KHDRBS2: variants seen among roughly 807,000 people sequenced by gnomAD.
KHDRBS2 encodes KH domain-containing, RNA-binding, signal transduction-associated protein 2.
Under a neutral mutation model 44.3 loss-of-function variants are expected in KHDRBS2, and 26 were observed. That is an observed-to-expected ratio of 0.59 (90% CI 0.43 to 0.81). KHDRBS2 has a LOEUF of 0.81. KHDRBS2 is among the 40% of genes least tolerant of loss of function. The pLI, the probability that KHDRBS2 is intolerant of heterozygous loss-of-function variation, is 0.00. For synonymous variants in KHDRBS2, 194 were observed against 151.1 expected (o/e 1.28, Z -2.08); for missense variants, 476 against 433.1 (o/e 1.10, Z -0.88).
intron 6 of KHDRBS2, among the ~76,000 whole-genome samples, chr6:61,774,781 A>G (rs1316505565): frequency 6.6e-6 from 1 of 152,156 alleles, no homozygotes; most frequent in Non-Finnish European, 1.5e-5. Context: ...ATCCTCCCTA[A>G]CTCATTTTAC....
At chr6:61,990,506 AAAAC>A (rs1265405750) in intron 3 of KHDRBS2, among the ~76,000 whole-genome samples, 1 of 152,172 alleles carries the variant, frequency 6.6e-6, no homozygotes, top group East Asian at 1.9e-4. Flanking sequence ...AAGTAAAACA[AAAAC>A]AAACAAGAGC....
intron 6 of KHDRBS2, among the ~76,000 whole-genome samples, chr6:61,814,515 G>C (rs1438758798): frequency 1.1e-5 from 1 of 90,236 alleles, no homozygotes; most frequent in Non-Finnish European, 2.2e-5. Flanking sequence ...GCTGAGGCAG[G>C]TGAATCGCTT....
intron 6 of KHDRBS2, 90 bp from the exon 7 acceptor site, chr6:61,732,854 T>G (rs1410604645): frequency 2.7e-6 from 2 of 746,198 alleles, no homozygotes; most frequent in African/African-American, 3.5e-5. Context: ...CAATGTGATC[T>G]TGGTTTAGAT....
the KHDRBS2 span, among the ~76,000 whole-genome samples, chr6:61,636,243 C>T: frequency 4.7e-4 from 72 of 152,082 alleles, no homozygotes; most frequent in African/African-American, 1.6e-3. Context: ...ATCCTCTTTA[C>T]TTTACTTTCA....
At chr6:62,038,394 T>C (rs1411917236) in intron 3 of KHDRBS2, among the ~76,000 whole-genome samples, 3 of 151,840 alleles carry the variant, frequency 2.0e-5, no homozygotes, top group Non-Finnish European at 2.9e-5. Flanking sequence ...AAAACAGTTT[T>C]CTACTGTTTA....
At chr6:61,777,572 C>G (rs2127580005) in intron 6 of KHDRBS2, among the ~76,000 whole-genome samples, 1 of 152,172 alleles carries the variant, frequency 6.6e-6, no homozygotes, top group South Asian at 2.1e-4. Context: ...TGGGAAAGTA[C>G]AGAGTAGAAT....
chr6:62,198,144 T>C (rs1375791629), intron 1 of KHDRBS2, among the ~76,000 whole-genome samples: 2 of 152,044 alleles, frequency 1.3e-5, no homozygotes, highest in Non-Finnish European at 2.9e-5. Flanking sequence ...AGGAAAGATC[T>C]AAAATTGACA....
At chr6:62,237,571 T>C (rs1247325350) in intron 1 of KHDRBS2, among the ~76,000 whole-genome samples, 1 of 152,156 alleles carries the variant, frequency 6.6e-6, no homozygotes, top group Non-Finnish European at 1.5e-5. Flanking sequence ...CTTTAGAAGA[T>C]AGGTGTTTTG....
At chr6:62,246,509 T>C (rs1835600716) in intron 1 of KHDRBS2, among the ~76,000 whole-genome samples, 1 of 152,080 alleles carries the variant, frequency 6.6e-6, no homozygotes, top group Non-Finnish European at 1.5e-5. Flanking sequence ...CTTTGCAGTG[T>C]ACAGCTCACA....
the KHDRBS2 span, among the ~76,000 whole-genome samples, chr6:61,594,676 T>C: frequency 2.0e-5 from 3 of 152,040 alleles, no homozygotes; most frequent in South Asian, 4.1e-4. Context: ...CAAAGAAGAG[T>C]CAACATTATT....
At chr6:61,623,081 G>A in the KHDRBS2 span, among the ~76,000 whole-genome samples, 4 of 152,062 alleles carry the variant, frequency 2.6e-5, no homozygotes, top group East Asian at 7.8e-4. Flanking sequence ...AAAATTAGAT[G>A]GACAGTCAAT....
At chr6:62,171,771 A>C (rs925410349) in intron 2 of KHDRBS2, among the ~76,000 whole-genome samples, 2 of 152,190 alleles carry the variant, frequency 1.3e-5, no homozygotes, top group African/African-American at 2.4e-5. Flanking sequence ...GAGGGCCTAT[A>C]TTCATCACTC....
At chr6:61,806,921 G>T (rs1040536754) in intron 6 of KHDRBS2, among the ~76,000 whole-genome samples, 1 of 151,892 alleles carries the variant, frequency 6.6e-6, no homozygotes, top group Non-Finnish European at 1.5e-5. Flanking sequence ...AGCTTATATT[G>T]TACTCACTGT....
At chr6:61,661,586 G>T in the KHDRBS2 span, among the ~76,000 whole-genome samples, 1 of 151,836 alleles carries the variant, frequency 6.6e-6, no homozygotes, top group African/African-American at 2.4e-5. Flanking sequence ...ACTTTCAGCA[G>T]TGTCCTATCT....
intron 6 of KHDRBS2, among the ~76,000 whole-genome samples, chr6:61,774,304 T>C (rs1316046756): frequency 6.6e-6 from 1 of 152,178 alleles, no homozygotes; most frequent in Non-Finnish European, 1.5e-5. Context: ...TCTGTTTGTA[T>C]CCTCTTTTAT....
At chr6:61,949,102 C>T (rs569778189) in intron 4 of KHDRBS2, among the ~76,000 whole-genome samples, 1 of 152,158 alleles carries the variant, frequency 6.6e-6, no homozygotes, top group Non-Finnish European at 1.5e-5. Flanking sequence ...ACATCCAGGA[C>T]CAGGCCCCAT....
intron 1 of KHDRBS2, among the ~76,000 whole-genome samples, chr6:62,183,255 G>A: frequency 6.6e-6 from 1 of 151,686 alleles, no homozygotes; most frequent in African/African-American, 2.4e-5. Flanking sequence ...CACAAACGCA[G>A]AAATCACAAT....
intron 6 of KHDRBS2, among the ~76,000 whole-genome samples, chr6:61,892,831 C>A (rs1403246595): frequency 1.3e-5 from 2 of 152,174 alleles, no homozygotes; most frequent in Non-Finnish European, 2.9e-5. Flanking sequence ...CCATTCAGGA[C>A]ATAGGCATGG....
intron 4 of KHDRBS2, among the ~76,000 whole-genome samples, chr6:61,962,808 A>C (rs1769043570): frequency 6.6e-6 from 1 of 152,104 alleles, no homozygotes; most frequent in Non-Finnish European, 1.5e-5. Flanking sequence ...ATTTTATACA[A>C]ATCAGATTTA....
Sources: allele counts gnomAD v4.1 joint callset (sites outside exome capture counted in the v4.1 genomes callset), GRCh38; gene constraint gnomAD v4.1.1; transcripts MANE v1.5; gene names NCBI Gene and HGNC (gene_info 2026-07-23, HGNC 2026-07-21).